The following SCAPER variants were observed in gnomAD, a reference collection of about 807,000 sequenced individuals.
The protein encoded by SCAPER is S phase cyclin A-associated protein in the endoplasmic reticulum.
In SCAPER, 98 loss-of-function variants were observed where a neutral mutation model predicts 182.2. The observed-to-expected ratio is 0.54, with a 90% confidence interval of 0.46 to 0.64. The LOEUF (loss-of-function observed/expected upper bound fraction) is 0.64, where lower values mean the gene tolerates loss of function less well. Among genes scored for constraint, SCAPER ranks in the 30% least tolerant of loss-of-function variants. The pLI, the probability that SCAPER is intolerant of heterozygous loss-of-function variation, is 0.00. For missense variants in SCAPER, 1,432 were observed against 1,690.0 expected, an observed-to-expected ratio of 0.85 and a Z score of 2.68; for synonymous variants, 605 against 564.6, an observed-to-expected ratio of 1.07 and a Z score of -1.01.
rs1289617605 is a variant in SCAPER, at chr15:76,601,082, G to T, written c.2711+20682C>A. ...AATGTTAATGTGGATACACAGAATA[G>T]AAATTGAAAATTATGCTTTTTATTT... On this transcript the variant is annotated intron_variant, in intron 22 of 31. Transcript: ENST00000563290. Among the ~76,000 whole-genome samples the T allele has an allele frequency of 9.0e-5, 11 of 121,810 alleles. 2 individuals are homozygous for T. The highest frequency in any genetic ancestry group is 2.3e-4 in the African/African-American group (9 of 39,840). 79.9% of individuals were successfully genotyped at this position (121,810 alleles called of 152,430 possible). A position where few individuals can be genotyped will look rare whatever the true frequency, so the allele number is the denominator to read the frequency against.
At chr15:76,402,049 C>A (rs2044498279) in intron 27 of SCAPER, among the ~76,000 whole-genome samples, 1 of 152,154 alleles carries the variant, frequency 6.6e-6, no homozygotes, top group Non-Finnish European at 1.5e-5. Flanking sequence ...ATCGCTTGAA[C>A]ATGGAAGGCA....
intron 23 of SCAPER, among the ~76,000 whole-genome samples, chr15:76,515,253 G>A (rs937700693): frequency 6.6e-6 from 1 of 152,154 alleles, no homozygotes; most frequent in Non-Finnish European, 1.5e-5. Context: ...GACCCATTTG[G>A]ACTAAGGAAG....
At chr15:76,509,209 G>T (rs971604495) in intron 23 of SCAPER, among the ~76,000 whole-genome samples, 2 of 152,214 alleles carry the variant, frequency 1.3e-5, no homozygotes, top group Non-Finnish European at 2.9e-5. Flanking sequence ...TAAGGCAAGG[G>T]TCCAATTTTT....
intron 26 of SCAPER, among the ~76,000 whole-genome samples, chr15:76,418,596 C>A (rs556853161): frequency 2.2e-4 from 33 of 152,272 alleles, no homozygotes; most frequent in Non-Finnish European, 2.2e-4. Context: ...CTCTCTCCAT[C>A]TCTGAGGCCC....
chr15:76,650,444 G>A (rs2054932738), intron 21 of SCAPER, among the ~76,000 whole-genome samples: 3 of 151,662 alleles, frequency 2.0e-5, no homozygotes, highest in Admixed American at 1.3e-4. Flanking sequence ...ATTGATAATG[G>A]GAAAGGGAAC....
chr15:76,543,361 C>A (rs2044958392), intron 23 of SCAPER, among the ~76,000 whole-genome samples: 1 of 152,046 alleles, frequency 6.6e-6, no homozygotes, highest in Non-Finnish European at 1.5e-5. Context: ...GCAGTTTTTT[C>A]TTATTTAAAA....
chr15:76,741,593 G>A (rs920712), intron 15 of SCAPER, among the ~76,000 whole-genome samples: 47,636 of 151,826 alleles, frequency 0.31, 7,761 homozygotes, highest in East Asian at 0.55. Flanking sequence ...TGCCTACAGA[G>A]TTAGAGAACT....
intron 20 of SCAPER, among the ~76,000 whole-genome samples, chr15:76,672,722 AG>A (rs1268599459): frequency 1.3e-5 from 2 of 152,154 alleles, no homozygotes; most frequent in African/African-American, 2.4e-5. Flanking sequence ...TCCAGATAAT[AG>A]GAGTTCTTGA....
chr15:76,878,265 A>G (rs902938963), intron 2 of SCAPER, among the ~76,000 whole-genome samples: 2 of 152,186 alleles, frequency 1.3e-5, no homozygotes, highest in Non-Finnish European at 2.9e-5. Context: ...ACACACAAAG[A>G]GAGAAAGGAA....
rs59403084 is a variant in SCAPER, at chr15:76,574,492, A to C, written c.2712-208T>G. ...CAATTCATTCTTCATGGCACAAAACAGAACTAGAGGATAGTATTATCAATC... is the reference window on the plus strand; with the variant it reads ...CAATTCATTCTTCATGGCACAAAACCGAACTAGAGGATAGTATTATCAATC... On this transcript the variant is annotated intron_variant, in intron 22 of 31. Coordinates refer to ENST00000563290, the MANE Select transcript of SCAPER (RefSeq NM_020843.4). 3.3e-3 allele frequency among the ~76,000 whole-genome samples: 498 copies of C among 152,338 alleles called. 5 individuals carry two copies. Among genetic ancestry groups the C allele is most frequent in the African/African-American group, 0.011 (467 of 41,584 alleles).
intron 23 of SCAPER, among the ~76,000 whole-genome samples, chr15:76,569,254 C>T (rs189617218): frequency 6.6e-6 from 1 of 152,176 alleles, no homozygotes; most frequent in East Asian, 1.9e-4. Flanking sequence ...GAATCTTTAT[C>T]ATTAATTGAT....
chr15:76,741,492 G>A (rs969388423), intron 15 of SCAPER, among the ~76,000 whole-genome samples: 1 of 152,086 alleles, frequency 6.6e-6, no homozygotes, highest in African/African-American at 2.4e-5. Flanking sequence ...TTAATCTGGA[G>A]GGAGGAGGAA....
intron 23 of SCAPER, among the ~76,000 whole-genome samples, chr15:76,570,409 G>A (rs922129362): frequency 2.0e-5 from 3 of 151,802 alleles, no homozygotes; most frequent in African/African-American, 4.8e-5. Flanking sequence ...ACGGTACCTA[G>A]TCCCAAAATG....
At chr15:76,892,692 G>C (rs2074228962) in intron 1 of SCAPER, among the ~76,000 whole-genome samples, 1 of 152,210 alleles carries the variant, frequency 6.6e-6, no homozygotes, top group Non-Finnish European at 1.5e-5. Flanking sequence ...AGAGGATGTG[G>C]AGAAATAGGA....
At chr15:76,836,536 C>T (rs1443732835) in intron 5 of SCAPER, among the ~76,000 whole-genome samples, 2 of 152,148 alleles carry the variant, frequency 1.3e-5, no homozygotes, top group Non-Finnish European at 2.9e-5. Flanking sequence ...AACTGGACCA[C>T]TTCCTTTCAC....
chr15:76,398,113 C>T lies in SCAPER; in HGVS notation c.3467+6411G>A, dbSNP rs531147684. On this transcript the variant is annotated intron_variant, in intron 27 of 31. Coordinates refer to ENST00000563290, the MANE Select transcript of SCAPER (RefSeq NM_020843.4). ...TTGCTTATGCTATTTTCTTGGTCCA[C>T]CTTTTTCTCAACTCTACATGTTCTA... 4.6e-5 allele frequency among the ~76,000 whole-genome samples: 7 copies of T among 152,244 alleles called. No homozygotes were observed. The South Asian group carries it at 1.5e-3, about 32-fold the overall frequency.
intron 23 of SCAPER, among the ~76,000 whole-genome samples, chr15:76,543,208 C>T (rs570359409): frequency 5.3e-5 from 8 of 152,116 alleles, no homozygotes; most frequent in African/African-American, 1.7e-4. Flanking sequence ...GGAAACCATT[C>T]GCAACTATAT....
intron 25 of SCAPER, among the ~76,000 whole-genome samples, chr15:76,458,939 A>G (rs959734036): frequency 3.3e-5 from 5 of 152,084 alleles, no homozygotes; most frequent in African/African-American, 9.7e-5. Flanking sequence ...CTGTTGTCCA[A>G]GCTGGGATGC....
chr15:76,767,214 C>G (rs1264804348), intron 10 of SCAPER, 126 bp from the exon 11 acceptor site: 1 of 960,902 alleles, frequency 1.0e-6, no homozygotes, highest in African/African-American at 1.7e-5. Context: ...ATCATAAAAG[C>G]TGGGGTTCCA....
Sources: allele counts gnomAD v4.1 joint callset (sites outside exome capture counted in the v4.1 genomes callset), GRCh38; gene constraint gnomAD v4.1.1; transcripts MANE v1.5; gene names NCBI Gene and HGNC (gene_info 2026-07-23, HGNC 2026-07-21).